Variants in RBMS3 observed in about 807,000 individuals in gnomAD.
RBMS3 encodes RNA-binding motif, single-stranded-interacting protein 3.
RBMS3 carries 27 observed loss-of-function variants against 66.8 expected under a neutral mutation model. The observed-to-expected ratio is 0.40, with a 90% CI of 0.30 to 0.56. The LOEUF (loss-of-function observed/expected upper bound fraction) is 0.56. Among genes scored for constraint, RBMS3 ranks in the 20% least tolerant of loss-of-function variants. The probability of loss-of-function intolerance (pLI) is 0.40; values close to 1 mark genes in which losing one functional copy is unlikely to be tolerated. For missense variants in RBMS3, 513 were observed against 549.5 expected, an observed-to-expected ratio of 0.93 and a Z score of 0.66; for synonymous variants, 188 against 183.0, an observed-to-expected ratio of 1.03 and a Z score of -0.22.
At chr3:29,846,828 C>A (rs1254936902) in intron 6 of RBMS3, among the ~76,000 whole-genome samples, 1 of 152,026 alleles carries the variant, frequency 6.6e-6, no homozygotes, top group Non-Finnish European at 1.5e-5. Flanking sequence ...TAGCCAAGAA[C>A]AAAGAGGAAT....
At chr3:29,562,562 G>C (rs1358532801) in intron 3 of RBMS3, among the ~76,000 whole-genome samples, 1 of 152,038 alleles carries the variant, frequency 6.6e-6, no homozygotes, top group East Asian at 1.9e-4. Flanking sequence ...GACTATTCTA[G>C]GGGTCTACCT....
At position 29,758,175 on chromosome 3, in the gene RBMS3, G is replaced by C. The variant is rs776965747; in HGVS notation, c.558-4735G>C. On this transcript the variant is annotated intron_variant, in intron 5 of 14. Transcript: ENST00000383767. ...TTCTTGAAGTAATAGTGGCTGGGTAGAGTGGAGCTAGCAGGACCCATCCTA... is the reference window on the plus strand; with the variant it reads ...TTCTTGAAGTAATAGTGGCTGGGTACAGTGGAGCTAGCAGGACCCATCCTA... Among the ~76,000 whole-genome samples the C allele has an allele frequency of 5.9e-5, 9 of 152,194 alleles. 1 individual carries two copies. The highest frequency in any genetic ancestry group is 1.5e-5 in the Non-Finnish European group (1 of 68,032).
At chr3:29,765,130 G>A (rs1360660624) in intron 6 of RBMS3, among the ~76,000 whole-genome samples, 1 of 151,942 alleles carries the variant, frequency 6.6e-6, no homozygotes, top group African/African-American at 2.4e-5. Flanking sequence ...AATTAGGTGT[G>A]GAAGAAAAGA....
At chr3:29,837,671 T>TATAATGAAC (rs2058553007) in intron 6 of RBMS3, among the ~76,000 whole-genome samples, 1 of 52,876 alleles carries the variant, frequency 1.9e-5, no homozygotes, top group Non-Finnish European at 4.1e-5. Context: ...AACATATATA[T>TATAATGAAC]ATATATATAT....
intron 12 of RBMS3, among the ~76,000 whole-genome samples, chr3:29,970,237 C>A (rs1351135664): frequency 6.6e-6 from 1 of 151,974 alleles, no homozygotes; most frequent in Admixed American, 6.6e-5. Context: ...GTCCCCAGGC[C>A]CTAAACAGAA....
chr3:29,540,340 T>C (rs953556955), intron 3 of RBMS3, among the ~76,000 whole-genome samples: 12 of 152,234 alleles, frequency 7.9e-5, no homozygotes, highest in African/African-American at 2.9e-4. Flanking sequence ...TATTTCTTTA[T>C]TGCAACCTTT....
intron 1 of RBMS3, among the ~76,000 whole-genome samples, chr3:29,359,731 A>C (rs930088385): frequency 6.6e-6 from 1 of 152,060 alleles, no homozygotes; most frequent in Non-Finnish European, 1.5e-5. Flanking sequence ...AGAGCCTGTT[A>C]TTGGTCTATT....
At chr3:29,549,059 G>GT (rs5847579) in intron 3 of RBMS3, among the ~76,000 whole-genome samples, 5,313 of 85,158 alleles carry the variant, frequency 0.062, 258 homozygotes, top group African/African-American at 0.11. Flanking sequence ...TCCTACTTCT[G>GT]TTTTTTTTTT....
At chr3:29,547,544 A>G (rs191536149) in intron 3 of RBMS3, among the ~76,000 whole-genome samples, 3 of 152,258 alleles carry the variant, frequency 2.0e-5, no homozygotes, top group African/African-American at 7.2e-5. Flanking sequence ...AAATGGAAGT[A>G]TCCAATCCTT....
chr3:29,300,185 C>CA (rs1379223260), intron 1 of RBMS3, among the ~76,000 whole-genome samples: 1 of 151,946 alleles, frequency 6.6e-6, no homozygotes, highest in African/African-American at 2.4e-5. Context: ...TGTTGGAAGA[C>CA]AGTCACTTTC....
chr3:29,456,624 T>G (rs1026781954), intron 2 of RBMS3, among the ~76,000 whole-genome samples: 19 of 152,202 alleles, frequency 1.2e-4, no homozygotes, highest in African/African-American at 3.9e-4. Context: ...GTAAAGACCA[T>G]TTTCACAGTA....
chr3:29,754,194 C>T (rs2149370273), intron 5 of RBMS3, among the ~76,000 whole-genome samples: 1 of 152,266 alleles, frequency 6.6e-6, no homozygotes, highest in African/African-American at 2.4e-5. Flanking sequence ...CTCAAGTGAT[C>T]CTCTTGCCTC....
chr3:29,580,627 A>G, intron 3 of RBMS3, among the ~76,000 whole-genome samples: 1 of 151,002 alleles, frequency 6.6e-6, no homozygotes, highest in Non-Finnish European at 1.5e-5. Flanking sequence ...TTTTTTCCTT[A>G]CAGCATCTGG....
intron 4 of RBMS3, among the ~76,000 whole-genome samples, chr3:29,708,798 T>C (rs2053025790): frequency 1.3e-5 from 2 of 152,202 alleles, no homozygotes; most frequent in African/African-American, 2.4e-5. Flanking sequence ...GAAGGATGTG[T>C]GACACTGACA....
intron 1 of RBMS3, among the ~76,000 whole-genome samples, chr3:29,412,812 G>A (rs982091874): frequency 6.6e-6 from 1 of 152,204 alleles, no homozygotes; most frequent in East Asian, 1.9e-4. Context: ...GCAGGGAGGA[G>A]ATAAATCTGT....
chr3:29,399,611 G>A (rs761927153), intron 1 of RBMS3, among the ~76,000 whole-genome samples: 4 of 152,160 alleles, frequency 2.6e-5, no homozygotes, highest in Non-Finnish European at 5.9e-5. Flanking sequence ...TTACATCAAT[G>A]TCCTGAATTT....
chr3:29,673,947 C>CA (rs1026619133), intron 4 of RBMS3, among the ~76,000 whole-genome samples: 2 of 151,876 alleles, frequency 1.3e-5, no homozygotes, highest in African/African-American at 2.4e-5. Context: ...AGAGATACAA[C>CA]AAAAAAAGAG....
At chr3:29,684,821 CAT>C (rs2051646486) in intron 4 of RBMS3, among the ~76,000 whole-genome samples, 1 of 150,580 alleles carries the variant, frequency 6.6e-6, no homozygotes, top group African/African-American at 2.5e-5. Context: ...CACACAGACA[CAT>C]ACACTGAGCT....
chr3:29,351,736 CAT>C (rs767653746), intron 1 of RBMS3, among the ~76,000 whole-genome samples: 8 of 151,974 alleles, frequency 5.3e-5, no homozygotes, highest in Admixed American at 1.3e-4. Flanking sequence ...AATAATATCT[CAT>C]ATGTTTTTCT....
Sources: gnomAD v4.1 joint callset for allele counts (sites outside exome capture counted in the v4.1 genomes callset) on GRCh38, gnomAD v4.1.1 for gene constraint, MANE v1.5 for transcripts, NCBI Gene and HGNC (gene_info 2026-07-23, HGNC 2026-07-21) for gene names.